Variants in PIEZO2 observed in about 807,000 individuals in gnomAD.
PIEZO2 encodes piezo-type mechanosensitive ion channel component 2.
PIEZO2 carries 172 observed loss-of-function variants against 337.3 expected under a neutral mutation model. The observed-to-expected ratio is 0.51, with a 90% CI of 0.45 to 0.58. The LOEUF (loss-of-function observed/expected upper bound fraction) is 0.58, where lower values mean the gene tolerates loss of function less well. Among genes scored for constraint, PIEZO2 ranks in the 20% least tolerant of loss-of-function variants. The pLI, the probability that PIEZO2 is intolerant of heterozygous loss-of-function variation, is 0.00. For synonymous variants in PIEZO2, 1,251 were observed against 1,228.5 expected (o/e 1.02, Z -0.38); for missense variants, 3,028 against 3,391.3 (o/e 0.89, Z 2.66).
intron 47 of PIEZO2, among the ~76,000 whole-genome samples, chr18:10,694,360 C>T (rs1011975632): frequency 1.3e-5 from 2 of 152,074 alleles, no homozygotes; most frequent in African/African-American, 2.4e-5. Flanking sequence ...TTATGAGCCA[C>T]ATACGTAAAA....
At chr18:10,791,528 G>A (rs900295108) in intron 13 of PIEZO2, 2 of 438,754 alleles carry the variant, frequency 4.6e-6, no homozygotes, top group East Asian at 1.2e-4. Flanking sequence ...CCATGTTTGT[G>A]TTGGGTGCCA....
chr18:11,029,011 G>A (rs1214544650), intron 2 of PIEZO2, among the ~76,000 whole-genome samples: 2 of 152,072 alleles, frequency 1.3e-5, no homozygotes, highest in African/African-American at 4.8e-5. Context: ...AGAAATTGAG[G>A]GGAACATCAT....
Position 10,714,827 on chromosome 18 carries a change from G to C in PIEZO2, c.5360C>G (p.Ala1787Gly). 6.5e-7 allele frequency: 1 copy of C among 1,537,266 alleles called. No homozygotes were observed. Among genetic ancestry groups the C allele is most frequent in the African/African-American group, 1.4e-5 (1 of 73,176 alleles). Residue 1787 changes from alanine to glycine, a missense_variant, in exon 39 of 56, where the codon GCT becomes GGT. By Grantham distance (60) the Ala-to-Gly change is moderately conservative. Coordinates refer to ENST00000674853, the MANE Select transcript of PIEZO2 (RefSeq NM_001378183.1). ...GTGGGCTGTCTGTGCACCTGAAGCAGCTCCGGGATGCTCGTCAATGGTGTC... is the reference window on the plus strand; with the variant it reads ...GTGGGCTGTCTGTGCACCTGAAGCACCTCCGGGATGCTCGTCAATGGTGTC... ...GLDTIDEHPG[A>G]ASGAQTAHRM...
At chr18:10,866,798 G>T (rs1203103652) in intron 5 of PIEZO2, among the ~76,000 whole-genome samples, 1 of 152,154 alleles carries the variant, frequency 6.6e-6, no homozygotes, top group Non-Finnish European at 1.5e-5. Context: ...ACAATAAATA[G>T]ATCCATGACT....
Position 10,671,757 on chromosome 18 carries a change from C to T in PIEZO2, c.8368G>A (p.Val2790Ile). ...GYGIMGLYAS[V>I]VLVIGKFVRE... ...ACAAATTTCCCAATCACAAGGACAA[C>T]TGAAGCATATAATCCCATAATACTG... Residue 2790 changes from valine to isoleucine, a missense_variant, in exon 56 of 56, where the codon GTT becomes ATT. Around this residue, in one of 5 missense-constraint regions of PIEZO2, gnomAD observed 332 missense variants for 363.8 expected, o/e 0.91. Transcript: ENST00000674853. 6.2e-7 allele frequency: 1 copy of T among 1,613,490 alleles called. No homozygotes were observed. The highest frequency in any genetic ancestry group is 8.5e-7 in the Non-Finnish European group (1 of 1,179,714).
chr18:11,090,727 C>T (rs1456343075), intron 1 of PIEZO2, among the ~76,000 whole-genome samples: 1 of 151,774 alleles, frequency 6.6e-6, no homozygotes, highest in African/African-American at 2.4e-5. Flanking sequence ...CTGGCTAACA[C>T]GGTGAAACCA....
intron 52 of PIEZO2, among the ~76,000 whole-genome samples, chr18:10,679,976 T>G (rs948664273): frequency 3.9e-5 from 6 of 152,086 alleles, no homozygotes; most frequent in African/African-American, 1.2e-4. Flanking sequence ...AAAGGAAAAC[T>G]GAGAAGTTCT....
Position 10,783,945 on chromosome 18 carries a change from T to C in PIEZO2, c.2492+839A>G, listed in dbSNP as rs1209779232. Among the ~76,000 whole-genome samples, 1 of 152,228 alleles carries C rather than the reference T, an allele frequency of 6.6e-6. No individual in the cohort carries two copies. The highest frequency in any genetic ancestry group is 1.5e-5 in the Non-Finnish European group (1 of 68,034). ...TCTATTGATACCTGCATTTTTTCCC[T>C]TAAAGTCAAATAATTAAGGAGAATT... On this transcript the variant is annotated intron_variant, in intron 17 of 55. Coordinates refer to ENST00000674853, the MANE Select transcript of PIEZO2 (RefSeq NM_001378183.1). This position sits in a 1 kb window ranked among gnomAD's most constrained non-coding sequence, Gnocchi z 4.3.
intron 4 of PIEZO2, among the ~76,000 whole-genome samples, chr18:10,906,142 C>G (rs2029902971): frequency 6.6e-6 from 1 of 152,066 alleles, no homozygotes; most frequent in East Asian, 1.9e-4. Flanking sequence ...GGAAAAAAAA[C>G]TAGGGATATT....
chr18:10,740,886 T>C (rs963046704), intron 33 of PIEZO2, 145 bp downstream of exon 33: 1 of 831,892 alleles, frequency 1.2e-6, no homozygotes, highest in African/African-American at 1.7e-5. Flanking sequence ...CCACTGACAT[T>C]AAAATTTTCC....
At position 10,813,242 on chromosome 18, in the gene PIEZO2, G is replaced by C. The variant is rs1568089328; in HGVS notation, c.918-5968C>G. Among the ~76,000 whole-genome samples the C allele has an allele frequency of 6.6e-6, 1 of 152,162 alleles. No homozygotes were observed. The highest frequency in any genetic ancestry group is 1.9e-4 in the East Asian group (1 of 5,194). On this transcript the variant is annotated intron_variant, in intron 7 of 55. Coordinates refer to ENST00000674853, the MANE Select transcript of PIEZO2 (RefSeq NM_001378183.1). The surrounding 1 kb of genome is among the most constrained non-coding windows in gnomAD (Gnocchi z 4.2). ...GATTTGCCCGCCTGGGCCTCCCAAA[G>C]TGCTGGCATTACAGGAGTGAGCCAC...
intron 32 of PIEZO2, 91 bp from the exon 33 acceptor site, chr18:10,741,193 G>T: frequency 8.4e-7 from 1 of 1,188,054 alleles, no homozygotes; most frequent in Non-Finnish European, 1.2e-6. Flanking sequence ...GTCAAATCTA[G>T]GTAAATTGCA....
rs879320423 is a variant in PIEZO2 at position 11,002,052 on chromosome 18, C to T, written c.161-22392G>A. ...TAGATATTTTAGGCTTTGTGAGACA[C>T]ATAGTCTCTGTTACAATGACTCAAT... On this transcript the variant is annotated intron_variant, in intron 2 of 55. Coordinates refer to ENST00000674853, the MANE Select transcript of PIEZO2 (RefSeq NM_001378183.1). The surrounding 1 kb of genome is among the most constrained non-coding windows in gnomAD (Gnocchi z 4.3). Among the ~76,000 whole-genome samples, 60 of 152,174 alleles carry T rather than the reference C, an allele frequency of 3.9e-4. No individual in the cohort carries two copies. The highest frequency in any genetic ancestry group is 6.5e-4 in the Non-Finnish European group (44 of 68,036).
intron 16 of PIEZO2, 144 bp from the exon 17 acceptor site, chr18:10,785,101 G>T: frequency 2.3e-6 from 2 of 868,764 alleles, no homozygotes; most frequent in Non-Finnish European, 1.6e-6. Flanking sequence ...GTCCAATATG[G>T]CTTTCGTTTC....
At chr18:10,702,440 C>T (rs1426944708) in intron 42 of PIEZO2, among the ~76,000 whole-genome samples, 5 of 152,174 alleles carry the variant, frequency 3.3e-5, no homozygotes, top group Non-Finnish European at 7.3e-5. Flanking sequence ...TTTGATTAGT[C>T]ATTTCCTCTT....
intron 3 of PIEZO2, among the ~76,000 whole-genome samples, chr18:10,971,555 C>A (rs141035493): frequency 2.1e-3 from 322 of 152,202 alleles, no homozygotes; most frequent in African/African-American, 7.3e-3. Flanking sequence ...GCACACCCAG[C>A]TCCTCAGCCA....
chr18:10,731,663 T>A, intron 35 of PIEZO2, 142 bp from the exon 36 acceptor site: 1 of 346,540 alleles, frequency 2.9e-6, no homozygotes, highest in Non-Finnish European at 4.7e-6. Context: ...TATCATGAGA[T>A]TCAATTTTTT....
At position 11,099,600 on chromosome 18, in the gene PIEZO2, G is replaced by A. The variant is rs2039353258; in HGVS notation, c.65-33378C>T. On this transcript the variant is annotated intron_variant, in intron 1 of 55. Coordinates refer to ENST00000674853, the MANE Select transcript of PIEZO2 (RefSeq NM_001378183.1). This position sits in a 1 kb window ranked among gnomAD's most constrained non-coding sequence, Gnocchi z 5.4. ...TCTGGCCTTAGCCTCCCGAGTAGCG[G>A]GGATCACAGGTGCCTGCCACCATGC... 6.6e-6 allele frequency among the ~76,000 whole-genome samples: 1 copy of A among 152,154 alleles called. No individual in the cohort carries two copies. Among genetic ancestry groups the A allele is most frequent in the Non-Finnish European group, 1.5e-5 (1 of 68,034 alleles).
At chr18:10,804,430 G>A (rs2039929954) in intron 8 of PIEZO2, among the ~76,000 whole-genome samples, 1 of 152,238 alleles carries the variant, frequency 6.6e-6, no homozygotes, top group Admixed American at 6.5e-5. Flanking sequence ...CTAAGCAAGA[G>A]CGTATCTATG....
Sources: allele counts gnomAD v4.1 joint callset (sites outside exome capture counted in the v4.1 genomes callset), GRCh38; gene constraint gnomAD v4.1.1; regional missense constraint gnomAD v4.1.1; non-coding constraint Gnocchi (gnomAD v3.1); transcripts MANE v1.5; gene names NCBI Gene and HGNC (gene_info 2026-07-23, HGNC 2026-07-21).